The following COL13A1 variants were observed in gnomAD, a reference collection of about 807,000 sequenced individuals.
COL13A1 encodes collagen alpha-1(XIII) chain.
In COL13A1, 89 loss-of-function variants were observed where a neutral mutation model predicts 130.9. The observed-to-expected ratio is 0.68, with a 90% CI of 0.57 to 0.81. COL13A1 has a LOEUF of 0.81. Among genes scored for constraint, COL13A1 ranks in the 30% least tolerant of loss-of-function variants. The probability of loss-of-function intolerance (pLI) is 0.00; values close to 1 mark genes in which losing one functional copy is unlikely to be tolerated. For synonymous variants in COL13A1, 402 were observed against 341.6 expected, an observed-to-expected ratio of 1.18 and a Z score of -1.95; for missense variants, 879 against 934.6, an observed-to-expected ratio of 0.94 and a Z score of 0.78.
At chr10:69,930,810 C>T (rs983351772) in intron 30 of COL13A1, among the ~76,000 whole-genome samples, 1 of 152,180 alleles carries the variant, frequency 6.6e-6, no homozygotes, top group Admixed American at 6.5e-5. Flanking sequence ...GCAGAGTCTC[C>T]GTCTCCTCAT....
chr10:69,877,877 G>A (rs765233849), intron 5 of COL13A1, among the ~76,000 whole-genome samples, 162 bp from the exon 6 acceptor site: 3 of 152,124 alleles, frequency 2.0e-5, no homozygotes, highest in Non-Finnish European at 2.9e-5. Context: ...GCCATGTGTC[G>A]ACATCTGTGT....
intron 13 of COL13A1, 52 bp from the exon 14 acceptor site, chr10:69,898,645 C>A: frequency 1.9e-6 from 3 of 1,545,554 alleles, no homozygotes; most frequent in Non-Finnish European, 1.8e-6. Context: ...ATCTGAATAC[C>A]TGTGATCTTT....
Position 69,917,210 on chromosome 10 carries a change from A to G in COL13A1, c.922-79A>G. ...ACAGCCATCCCAGCCTCCAGACAAGACATTCTCACCGACATCCTTGCAGGC... is the reference window on the plus strand; with the variant it reads ...ACAGCCATCCCAGCCTCCAGACAAGGCATTCTCACCGACATCCTTGCAGGC... On this transcript the variant is annotated intron_variant, in intron 17 of 40. Transcript: ENST00000645393. 4 of 1,572,324 alleles carry G rather than the reference A, an allele frequency of 2.5e-6. No homozygotes were observed. The South Asian group carries it at 4.6e-5, about 18-fold the overall frequency.
intron 32 of COL13A1, among the ~76,000 whole-genome samples, chr10:69,935,855 CA>C (rs1183944899): frequency 6.6e-6 from 1 of 151,352 alleles, no homozygotes; most frequent in African/African-American, 2.4e-5. Flanking sequence ...TCTAAAAATA[CA>C]AAAAATTAGC....
intron 2 of COL13A1, among the ~76,000 whole-genome samples, chr10:69,867,367 G>A (rs1200032351): frequency 1.3e-5 from 2 of 152,232 alleles, no homozygotes; most frequent in South Asian, 2.1e-4. Context: ...CCTCCCTGAC[G>A]TGCACAGTGA....
chr10:69,870,023 A>G (rs995254093), intron 3 of COL13A1, among the ~76,000 whole-genome samples: 3 of 152,202 alleles, frequency 2.0e-5, no homozygotes, highest in Admixed American at 1.3e-4. Flanking sequence ...ACCAACTGCA[A>G]TCAAATCCTG....
At chr10:69,900,445 G>A (rs987396777) in intron 14 of COL13A1, among the ~76,000 whole-genome samples, 1 of 152,222 alleles carries the variant, frequency 6.6e-6, no homozygotes, top group Non-Finnish European at 1.5e-5. Flanking sequence ...AAGAGGTGGT[G>A]AAGCCAGAAC....
Position 69,910,539 on chromosome 10 carries a change from G to A in COL13A1, c.921+4717G>A, listed in dbSNP as rs1169522739. The stretch of plus-strand genomic sequence containing the variant: ...GGGCCTGGTATCCTCTTAAAAGCCA[G>A]CCAGACCCGCAAGGCAGGCTTCTCC... On this transcript the variant is annotated intron_variant, in intron 17 of 40. Coordinates refer to ENST00000645393, the MANE Select transcript of COL13A1 (RefSeq NM_001368882.1). 5.9e-5 allele frequency among the ~76,000 whole-genome samples: 9 copies of A among 152,288 alleles called. 1 individual carries two copies. In the East Asian group the frequency reaches 1.7e-3, roughly 30 times the overall value.
chr10:69,860,889 C>G (rs1478248350), intron 2 of COL13A1, among the ~76,000 whole-genome samples: 2 of 152,214 alleles, frequency 1.3e-5, no homozygotes, highest in Non-Finnish European at 2.9e-5. Flanking sequence ...CAGGCATATA[C>G]CCTTACCCAT....
chr10:69,941,345 G>C (rs908645622), intron 35 of COL13A1, among the ~76,000 whole-genome samples: 38 of 152,282 alleles, frequency 2.5e-4, no homozygotes, highest in African/African-American at 7.9e-4. Flanking sequence ...CCCAGCCCTG[G>C]AGGTTTGAGC....
At chr10:69,898,838 A>C in intron 14 of COL13A1, 76 bp downstream of exon 14, 1 of 1,125,982 alleles carries the variant, frequency 8.9e-7, no homozygotes, top group Admixed American at 2.3e-5. Flanking sequence ...CTGCAGACAA[A>C]GCCAGAACCT....
intron 31 of COL13A1, among the ~76,000 whole-genome samples, chr10:69,933,028 C>T (rs1013286779): frequency 4.9e-5 from 7 of 144,292 alleles, no homozygotes; most frequent in African/African-American, 1.3e-4. Flanking sequence ...CCCAGCTATT[C>T]GGGAGGCTGA....
chr10:69,849,326 G>A (rs1294301539), intron 2 of COL13A1, among the ~76,000 whole-genome samples: 1 of 151,812 alleles, frequency 6.6e-6, no homozygotes, highest in East Asian at 2.0e-4. Context: ...GCCTAGCCTG[G>A]TGCAGGGGAT....
intron 17 of COL13A1, among the ~76,000 whole-genome samples, chr10:69,911,594 A>C (rs2135389587): frequency 6.6e-6 from 1 of 152,302 alleles, no homozygotes; most frequent in South Asian, 2.1e-4. Context: ...ACCTTCCCCC[A>C]TACCCCTCCA....
At chr10:69,928,475 C>T (rs1195581653) in intron 27 of COL13A1, among the ~76,000 whole-genome samples, 1 of 152,224 alleles carries the variant, frequency 6.6e-6, no homozygotes, top group Non-Finnish European at 1.5e-5. Flanking sequence ...TGCCTGGATG[C>T]TTCTGCTCAG....
At chr10:69,925,741 C>A in intron 25 of COL13A1, 63 bp from the exon 26 acceptor site, 1 of 1,283,258 alleles carries the variant, frequency 7.8e-7, no homozygotes, top group Non-Finnish European at 1.1e-6. Flanking sequence ...AGAGAGCAGG[C>A]CACAGTTGCC....
intron 35 of COL13A1, among the ~76,000 whole-genome samples, chr10:69,943,541 A>G (rs1455853265): frequency 2.6e-5 from 4 of 151,710 alleles, no homozygotes; most frequent in Admixed American, 1.3e-4. Context: ...GTGTCGGTGC[A>G]GACATTGAGG....
chr10:69,816,505 T>C (rs1035699983), intron 1 of COL13A1, among the ~76,000 whole-genome samples: 1 of 151,992 alleles, frequency 6.6e-6, no homozygotes, highest in Non-Finnish European at 1.5e-5. Context: ...TCTGCATAGA[T>C]GGCTTTGAAG....
chr10:69,810,336 G>T (rs1160543599), intron 1 of COL13A1, among the ~76,000 whole-genome samples: 3 of 143,680 alleles, frequency 2.1e-5, no homozygotes, highest in African/African-American at 8.0e-5. Context: ...GGACCTGGCA[G>T]GCCCTGAGAA....
Sources: allele counts gnomAD v4.1 joint callset (sites outside exome capture counted in the v4.1 genomes callset), GRCh38; gene constraint gnomAD v4.1.1; transcripts MANE v1.5; gene names NCBI Gene and HGNC (gene_info 2026-07-23, HGNC 2026-07-21).